PCDHGB1: variants seen among roughly 807,000 people sequenced by gnomAD.
The protein encoded by PCDHGB1 is protocadherin gamma subfamily B, 1, also known as protocadherin gamma-B1.
A neutral mutation model predicts 56.6 loss-of-function variants in PCDHGB1; 34 were observed. The observed-to-expected ratio is 0.60, with a 90% CI of 0.46 to 0.80. PCDHGB1 has a LOEUF of 0.80. Ranked by LOEUF, PCDHGB1 falls within the 30% of genes least tolerant of loss-of-function variation. The pLI, the probability that PCDHGB1 is intolerant of heterozygous loss-of-function variation, is 0.00. For synonymous variants in PCDHGB1, 561 were observed against 505.9 expected, an observed-to-expected ratio of 1.11 and a Z score of -1.46; for missense variants, 1,278 against 1,204.6, an observed-to-expected ratio of 1.06 and a Z score of -0.90.
At position 141,490,521 on chromosome 5, in the gene PCDHGB1, C is replaced by T. The variant is rs146064810; in HGVS notation, c.2410-4286C>T. The stretch of plus-strand genomic sequence containing the variant: ...ACTATATCATCGAGCTGCTGGCCAG[C>T]GATGCTGGTTCACCTTCCCTACACA... On this transcript the variant is annotated intron_variant, in intron 1 of 3. Coordinates refer to ENST00000523390, the MANE Select transcript of PCDHGB1 (RefSeq NM_018922.3). This position sits in a 1 kb window ranked among gnomAD's most constrained non-coding sequence, Gnocchi z 5.4. The T allele has an allele frequency of 1.0e-4, 166 of 1,614,058 alleles. No individual in the cohort carries two copies. In the African/African-American group the frequency reaches 1.7e-3, roughly 16 times the overall value.
intron 1 of PCDHGB1, chr5:141,362,171 G>A (rs62378417): frequency 2.4e-5 from 39 of 1,613,760 alleles, no homozygotes; most frequent in Non-Finnish European, 2.6e-5. Context: ...AGCGACCGCC[G>A]GGAGCCCTCT....
At position 141,431,510 on chromosome 5, in the gene PCDHGB1, G is replaced by T; in HGVS notation, c.2410-63297G>T. On this transcript the variant is annotated intron_variant, in intron 1 of 3. Transcript: ENST00000523390. The surrounding 1 kb of genome is among the most constrained non-coding windows in gnomAD (Gnocchi z 4.8). ...TGCTCAGCCCGAGTACCGCGCGAGC[G>T]TTCCGGAGAATCTGGCCTTGGGCAC... 1 of 1,614,022 alleles carries T rather than the reference G, an allele frequency of 6.2e-7. No individual in the cohort carries two copies. Among genetic ancestry groups the T allele is most frequent in the Non-Finnish European group, 8.5e-7 (1 of 1,180,026 alleles).
intron 1 of PCDHGB1, chr5:141,430,640 G>A (rs902915974): frequency 1.1e-6 from 1 of 916,196 alleles, no homozygotes; most frequent in East Asian, 2.7e-5. Flanking sequence ...ATCCCTGGGA[G>A]TATGTGGAAA....
chr5:141,356,357 T>A, intron 1 of PCDHGB1: 2 of 1,557,122 alleles, frequency 1.3e-6, no homozygotes, highest in Non-Finnish European at 1.7e-6. Flanking sequence ...ACATGTTCTA[T>A]TCCAGATAAT....
chr5:141,395,077 A>G (rs2093162583), intron 1 of PCDHGB1: 3 of 1,614,024 alleles, frequency 1.9e-6, no homozygotes, highest in Non-Finnish European at 2.5e-6. Flanking sequence ...ACCTATTCCC[A>G]GGAAGTCTCC....
chr5:141,366,445 G>C (rs368468540), intron 1 of PCDHGB1: 10 of 1,614,084 alleles, frequency 6.2e-6, no homozygotes, highest in Non-Finnish European at 8.5e-6. Flanking sequence ...GCGTCTTCCT[G>C]GCCTTCGTCA....
Position 141,432,548 on chromosome 5 carries a change from G to T in PCDHGB1, c.2410-62259G>T, listed in dbSNP as rs1251651638. On this transcript the variant is annotated intron_variant, in intron 1 of 3. Coordinates refer to ENST00000523390, the MANE Select transcript of PCDHGB1 (RefSeq NM_018922.3). The surrounding 1 kb of genome is among the most constrained non-coding windows in gnomAD (Gnocchi z 6.0). ...GACCAAGGTGGTGGCGGTGGACAGA[G>T]ACTCCGGCCAGAACGCCTGGCTGTC... 1.9e-6 allele frequency: 3 copies of T among 1,613,998 alleles called. No homozygotes were observed. The South Asian group carries it at 3.3e-5, about 18-fold the overall frequency.
At chr5:141,399,562 T>TTGAACGGCCAAGTCTCCTACTCTATCA in intron 1 of PCDHGB1, 1 of 1,614,016 alleles carries the variant, frequency 6.2e-7, no homozygotes, top group Non-Finnish European at 8.5e-7. Context: ...GGACTTGGGG[T>TTGAACGGCCAAGTCTCCTACTCTATCA]TGAACGGCCA....
Position 141,391,341 on chromosome 5 carries a change from CTCTG to C in PCDHGB1, c.2409+38678_2409+38681del, listed in dbSNP as rs1256271403. Reference sequence around the variant, plus strand: ...TCTTTTTTTTTTTTTGAGACAGAGTCTCTGTCTGTTACTCAGGCTGTAGTGCAGT... The same window carrying C: ...TCTTTTTTTTTTTTTGAGACAGAGTCTCTGTTACTCAGGCTGTAGTGCAGT... On this transcript the variant is annotated intron_variant, in intron 1 of 3. Transcript: ENST00000523390. 2.1e-5 allele frequency: 3 copies of C among 145,162 alleles called. No individual in the cohort carries two copies. In the South Asian group the frequency reaches 6.5e-4, roughly 32 times the overall value. The allele number at this position is 145,162 out of a possible 1,614,324, so 9.0% of individuals were successfully genotyped here.
Position 141,432,226 on chromosome 5 carries a change from T to C in PCDHGB1, c.2410-62581T>C. On this transcript the variant is annotated intron_variant, in intron 1 of 3. Coordinates refer to ENST00000523390, the MANE Select transcript of PCDHGB1 (RefSeq NM_018922.3). The surrounding 1 kb of genome is among the most constrained non-coding windows in gnomAD (Gnocchi z 6.0). ...GTGAAGAGAACGCCCAGATCACTTATTCCCTGGCTGAGAACACCATCCAAG... is the reference window on the plus strand; with the variant it reads ...GTGAAGAGAACGCCCAGATCACTTACTCCCTGGCTGAGAACACCATCCAAG... 4 of 1,614,198 alleles carry C rather than the reference T, an allele frequency of 2.5e-6. No individual in the cohort carries two copies. The highest frequency in any genetic ancestry group is 3.4e-6 in the Non-Finnish European group (4 of 1,180,028).
At chr5:141,474,002 G>A (rs1020912365) in intron 1 of PCDHGB1, among the ~76,000 whole-genome samples, 5 of 152,078 alleles carry the variant, frequency 3.3e-5, no homozygotes, top group Non-Finnish European at 5.9e-5. Context: ...CCAAGGAGCT[G>A]GAAGTTACAG....
chr5:141,471,042 C>G (rs2099247416), intron 1 of PCDHGB1, among the ~76,000 whole-genome samples: 1 of 139,088 alleles, frequency 7.2e-6, no homozygotes, highest in South Asian at 2.3e-4. Flanking sequence ...CAAGCCCAAG[C>G]CCTCTTTTTT....
Position 141,403,717 on chromosome 5 carries a change from G to A in PCDHGB1, c.2409+51048G>A, listed in dbSNP as rs1561689674. On this transcript the variant is annotated intron_variant, in intron 1 of 3. Transcript: ENST00000523390. Reference sequence around the variant, plus strand: ...ACCGAGTTAAAGTCCTTGAGAACGTGCCCCCAGGCACCTGGCTGCTTACTG... The same window carrying A: ...ACCGAGTTAAAGTCCTTGAGAACGTACCCCCAGGCACCTGGCTGCTTACTG... 3 of 1,613,936 alleles carry A rather than the reference G, an allele frequency of 1.9e-6. No homozygotes were observed. In the South Asian group the frequency reaches 3.3e-5, roughly 18 times the overall value.
At chr5:141,509,069 G>T (rs1463164307) in intron 3 of PCDHGB1, among the ~76,000 whole-genome samples, 1 of 152,174 alleles carries the variant, frequency 6.6e-6, no homozygotes, top group Non-Finnish European at 1.5e-5. Flanking sequence ...CTCAGCTCCG[G>T]GGATTTGCGA....
At chr5:141,422,980 C>T in intron 1 of PCDHGB1, 1 of 1,614,232 alleles carries the variant, frequency 6.2e-7, no homozygotes, top group Middle Eastern at 1.7e-4. Flanking sequence ...CTCTGCGGAA[C>T]CTGGCTACCT....
At chr5:141,420,259 G>A (rs775335307) in intron 1 of PCDHGB1, 8 of 1,564,678 alleles carry the variant, frequency 5.1e-6, no homozygotes, top group Non-Finnish European at 6.9e-6. Context: ...AAGCAGATAA[G>A]AAGATTCTTA....
intron 1 of PCDHGB1, among the ~76,000 whole-genome samples, chr5:141,468,797 C>T (rs191599825): frequency 0.01 from 1,525 of 151,876 alleles, 28 homozygotes; most frequent in African/African-American, 0.035. Flanking sequence ...ACCCGGGAGG[C>T]GGAACTTGCA....
intron 1 of PCDHGB1, chr5:141,388,959 G>C: frequency 6.2e-7 from 1 of 1,613,996 alleles, no homozygotes; most frequent in Non-Finnish European, 8.5e-7. Flanking sequence ...GGAGGACGCC[G>C]AGCTGGGAAC....
intron 1 of PCDHGB1, among the ~76,000 whole-genome samples, chr5:141,480,689 C>A (rs1266042791): frequency 6.6e-6 from 1 of 152,126 alleles, no homozygotes; most frequent in Non-Finnish European, 1.5e-5. Flanking sequence ...AATTCTGAAA[C>A]CCAGGCCACA....
Sources: gnomAD v4.1 joint callset for allele counts (sites outside exome capture counted in the v4.1 genomes callset) on GRCh38, gnomAD v4.1.1 for gene constraint, Gnocchi (gnomAD v3.1) non-coding constraint, MANE v1.5 for transcripts, NCBI Gene and HGNC (gene_info 2026-07-23, HGNC 2026-07-21) for gene names.